The following RALYL variants were observed in gnomAD, a reference collection of about 807,000 sequenced individuals.
RALYL encodes the protein RNA-binding Raly-like protein.
Under a neutral mutation model 35.1 loss-of-function variants are expected in RALYL, and 29 were observed. The ratio of observed to expected loss-of-function variants is 0.83; its 90% CI spans 0.61 to 1.13. RALYL has a LOEUF of 1.13. RALYL is among the 50% of genes most tolerant of loss of function. The pLI is 0.00. For missense variants in RALYL, 359 were observed against 360.4 expected, an observed-to-expected ratio of 1.00 and a Z score of 0.03; for synonymous variants, 120 against 127.6, an observed-to-expected ratio of 0.94 and a Z score of 0.40.
chr8:84,574,015 A>C (rs1808710849), intron 2 of RALYL, among the ~76,000 whole-genome samples: 2 of 151,738 alleles, frequency 1.3e-5, no homozygotes, highest in South Asian at 2.1e-4. Context: ...ATTCTTCCAC[A>C]TGTCTGTTAA....
intron 2 of RALYL, among the ~76,000 whole-genome samples, chr8:84,585,467 G>A (rs1427794099): frequency 6.6e-6 from 1 of 152,002 alleles, no homozygotes; most frequent in East Asian, 1.9e-4. Context: ...CTAGATCTAA[G>A]TTTTATTTTT....
intron 1 of RALYL, among the ~76,000 whole-genome samples, chr8:84,497,642 G>GTTTTTTTTTTTTTTTTTTTTTTTTT (rs71271999): frequency 5.1e-5 from 6 of 117,230 alleles, no homozygotes; most frequent in Non-Finnish European, 8.7e-5. Flanking sequence ...TTTTGTTTTT[G>GTTTTTTTTTTTTTTTTTTTTTTTTT]TTTTTTTTTT....
At chr8:84,429,158 G>T (rs2046873559) in intron 1 of RALYL, among the ~76,000 whole-genome samples, 2 of 152,222 alleles carry the variant, frequency 1.3e-5, no homozygotes, top group South Asian at 2.1e-4. Flanking sequence ...ATGGCTTAAT[G>T]CTCTAGGCTT....
chr8:84,640,480 G>A (rs535578642), intron 2 of RALYL, among the ~76,000 whole-genome samples: 1 of 152,044 alleles, frequency 6.6e-6, no homozygotes, highest in Non-Finnish European at 1.5e-5. Context: ...TATGAGTATA[G>A]CAGGGGAATA....
rs531760288 is a variant in RALYL at position 84,614,739 on chromosome 8, G to A, written c.256+85162G>A. Reference sequence around the variant, plus strand: ...GTCAGGATTTGCTGCTATGGAAAGAGCTAAGACTACAGTCAGATTGTTCCT... The same window carrying A: ...GTCAGGATTTGCTGCTATGGAAAGAACTAAGACTACAGTCAGATTGTTCCT... On this transcript the variant is annotated intron_variant, in intron 2 of 8. Coordinates refer to ENST00000521268, the MANE Select transcript of RALYL (RefSeq NM_173848.7). Among the ~76,000 whole-genome samples, 3 of 150,278 alleles carry A rather than the reference G, an allele frequency of 2.0e-5. No homozygotes were observed. The East Asian group carries it at 5.9e-4, about 29-fold the overall frequency.
chr8:84,665,747 T>C (rs1413129106), intron 2 of RALYL: 1 of 151,802 alleles, frequency 6.6e-6, no homozygotes, highest in Non-Finnish European at 1.5e-5. Flanking sequence ...TTTTTCAAAA[T>C]CCAACTCCTG....
At chr8:84,234,206 T>G (rs374653882) in intron 1 of RALYL, among the ~76,000 whole-genome samples, 1 of 152,314 alleles carries the variant, frequency 6.6e-6, no homozygotes, top group South Asian at 2.1e-4. Context: ...AAGAGTCTAG[T>G]CACTGCTAAT....
rs538122072 is a variant in RALYL at position 84,578,452 on chromosome 8, C to A, written c.256+48875C>A. Among the ~76,000 whole-genome samples, 3 of 152,324 alleles carry A rather than the reference C, an allele frequency of 2.0e-5. No individual in the cohort carries two copies. In the South Asian group the frequency reaches 6.2e-4, roughly 32 times the overall value. ...TGGCAAGTCAGGGGTGATGTTTCAGCCCTGTTTGTGTTACAGCTTTTTCAG... is the reference window on the plus strand; with the variant it reads ...TGGCAAGTCAGGGGTGATGTTTCAGACCTGTTTGTGTTACAGCTTTTTCAG... On this transcript the variant is annotated intron_variant, in intron 2 of 8. Transcript: ENST00000521268.
intron 3 of RALYL, among the ~76,000 whole-genome samples, chr8:84,787,417 A>T (rs781130940): frequency 6.6e-6 from 1 of 152,126 alleles, no homozygotes; most frequent in African/African-American, 2.4e-5. Context: ...TGGATTCAGT[A>T]TTACTGAAGG....
intron 1 of RALYL, among the ~76,000 whole-genome samples, chr8:84,470,184 T>C (rs563261793): frequency 1.3e-5 from 2 of 152,290 alleles, no homozygotes; most frequent in Non-Finnish European, 2.9e-5. Context: ...AGCTTTTTTA[T>C]AAGTTGTTTT....
chr8:84,551,601 T>TA (rs1016649428), intron 2 of RALYL, among the ~76,000 whole-genome samples: 122 of 151,852 alleles, frequency 8.0e-4, no homozygotes, highest in Admixed American at 1.5e-3. Context: ...TAGCTTGATT[T>TA]AAAAAAAATG....
intron 2 of RALYL, among the ~76,000 whole-genome samples, chr8:84,666,900 TGG>T (rs2131744440): frequency 6.6e-6 from 1 of 152,198 alleles, no homozygotes; most frequent in South Asian, 2.1e-4. Context: ...GGCACTCTGG[TGG>T]TAGTTGCTAA....
intron 1 of RALYL, among the ~76,000 whole-genome samples, chr8:84,433,141 G>T (rs1057436529): frequency 6.6e-6 from 1 of 152,132 alleles, no homozygotes; most frequent in East Asian, 1.9e-4. Context: ...CTTCCTGTGT[G>T]TAATTTGCTA....
intron 3 of RALYL, among the ~76,000 whole-genome samples, chr8:84,787,429 C>T (rs968745847): frequency 2.0e-5 from 3 of 152,138 alleles, no homozygotes; most frequent in Non-Finnish European, 2.9e-5. Context: ...TACTGAAGGG[C>T]ATTTGGGTTG....
Position 84,208,582 on chromosome 8 carries a change from G to A in RALYL, c.-24+24158G>A, listed in dbSNP as rs181051847. Among the ~76,000 whole-genome samples, 486 of 152,246 alleles carry A rather than the reference G, an allele frequency of 3.2e-3. 16 individuals carry two copies. Among genetic ancestry groups the A allele is most frequent in the Admixed American group, 0.024 (367 of 15,290 alleles). On this transcript the variant is annotated intron_variant, in intron 1 of 8. Transcript: ENST00000521268. ...GAAACTTGGAAGGGCCTGGGAGCTGGCAGGCAGGTGACCTGCCTATAATTC... is the reference window on the plus strand; with the variant it reads ...GAAACTTGGAAGGGCCTGGGAGCTGACAGGCAGGTGACCTGCCTATAATTC...
chr8:84,777,971 G>A (rs2465980), intron 3 of RALYL, among the ~76,000 whole-genome samples: 50,612 of 151,906 alleles, frequency 0.33, 10,226 homozygotes, highest in African/African-American at 0.57. Context: ...TGTAAAATGC[G>A]AGAGGGGGAC....
intron 1 of RALYL, among the ~76,000 whole-genome samples, chr8:84,390,886 A>G (rs1474338753): frequency 6.6e-5 from 10 of 151,934 alleles, no homozygotes; most frequent in African/African-American, 9.7e-5. Context: ...AGCCAACATT[A>G]TGCATTCTGA....
intron 7 of RALYL, among the ~76,000 whole-genome samples, chr8:84,879,963 G>A (rs1841888033): frequency 6.6e-6 from 1 of 152,022 alleles, no homozygotes; most frequent in Admixed American, 6.6e-5. Context: ...AAAATAAAAG[G>A]CAGAATAATT....
intron 1 of RALYL, among the ~76,000 whole-genome samples, chr8:84,449,912 C>G (rs1396712310): frequency 6.6e-6 from 1 of 151,926 alleles, no homozygotes; most frequent in East Asian, 1.9e-4. Flanking sequence ...ATATTTAAAT[C>G]TTCAGTAGAC....
Sources: allele counts gnomAD v4.1 joint callset (sites outside exome capture counted in the v4.1 genomes callset), GRCh38; gene constraint gnomAD v4.1.1; transcripts MANE v1.5; gene names NCBI Gene and HGNC (gene_info 2026-07-23, HGNC 2026-07-21).